The following XXYLT1 variants were observed in gnomAD, a reference collection of about 807,000 sequenced individuals.
XXYLT1 encodes UDP-xylose:alpha-xyloside alpha-1,3-xylosyltransferase.
XXYLT1 carries 20 observed loss-of-function variants against 28.9 expected under a neutral mutation model. The ratio of observed to expected loss-of-function variants is 0.69; its 90% CI spans 0.49 to 1.00. The LOEUF is 1.00. Ranked by LOEUF, XXYLT1 falls within the 50% of genes least tolerant of loss-of-function variation. The pLI, the probability that XXYLT1 is intolerant of heterozygous loss-of-function variation, is 0.00. For synonymous variants in XXYLT1, 257 were observed against 253.8 expected (o/e 1.01, Z -0.12); for missense variants, 542 against 560.1 (o/e 0.97, Z 0.33).
rs201594607 is a variant in XXYLT1 at position 195,270,549 on chromosome 3, G to A, written c.504+6C>T. On this transcript the variant is annotated splice_donor_region_variant and intron_variant, in intron 1 of 3. Transcript: ENST00000310380. ...CACCGGGAGCCCCCAGCCGCGGCCC[G>A]CTCACCTTGCACTTGAAGCCAGCGG... 4.9e-4 allele frequency: 684 copies of A among 1,383,466 alleles called. 5 individuals carry two copies. The African/African-American group carries it at 9.4e-3, about 19-fold the overall frequency. The allele number at this position is 1,383,466 out of a possible 1,614,324, so 85.7% of individuals were successfully genotyped here.
intron 3 of XXYLT1, among the ~76,000 whole-genome samples, chr3:195,074,948 G>A (rs1715030961): frequency 6.6e-6 from 1 of 152,208 alleles, no homozygotes; most frequent in South Asian, 2.1e-4. Flanking sequence ...CTACTGGACA[G>A]AGAAGGTAAG....
intron 2 of XXYLT1, among the ~76,000 whole-genome samples, chr3:195,185,406 C>A (rs1184632796): frequency 6.6e-6 from 1 of 151,650 alleles, no homozygotes; most frequent in Admixed American, 6.6e-5. Flanking sequence ...TTCTCCAGAA[C>A]CATGAGGACA....
chr3:195,099,113 AG>A (rs1174283279), intron 3 of XXYLT1, among the ~76,000 whole-genome samples: 4 of 152,174 alleles, frequency 2.6e-5, no homozygotes, highest in African/African-American at 9.7e-5. Flanking sequence ...AGGGGAACCG[AG>A]GACATGGCAG....
chr3:195,164,156 A>T (rs145155138), intron 2 of XXYLT1, among the ~76,000 whole-genome samples: 1 of 152,390 alleles, frequency 6.6e-6, no homozygotes, highest in East Asian at 1.9e-4. Context: ...AGAAGGCAAG[A>T]AGTAACTACA....
chr3:195,268,329 G>C (rs1295715807), intron 1 of XXYLT1, among the ~76,000 whole-genome samples: 2 of 151,998 alleles, frequency 1.3e-5, no homozygotes, highest in African/African-American at 4.8e-5. Flanking sequence ...TACTCAGGAG[G>C]CTGGGCCAGG....
In XXYLT1 at chr3:195,103,213, G is replaced by T. The variant is rs530339538; in HGVS notation, c.786-33102C>A. Among the ~76,000 whole-genome samples, 3 of 152,352 alleles carry T rather than the reference G, an allele frequency of 2.0e-5. No homozygotes were observed. The East Asian group carries it at 5.8e-4, about 29-fold the overall frequency. ...CTGATTTGCTCCAGATAACAGACTG[G>T]AATTCCAGGCCATGAGGCTGGGCCT... is the stretch of plus-strand genomic sequence containing the variant. On this transcript the variant is annotated intron_variant, in intron 3 of 3. Transcript: ENST00000310380.
rs1184026087 is a variant in XXYLT1, at chr3:195,150,643, C to G, written c.785+5806G>C. Among the ~76,000 whole-genome samples, 4 of 152,192 alleles carry G rather than the reference C, an allele frequency of 2.6e-5. No individual in the cohort carries two copies. The highest frequency in any genetic ancestry group is 5.9e-5 in the Non-Finnish European group (4 of 68,034). ...GGTGGGCCGGGGCTCACACAGCACA[C>G]GGCTGCCCGCAGAGCCTGGGGAGAA... On this transcript the variant is annotated intron_variant, in intron 3 of 3. Transcript: ENST00000310380. The surrounding 1 kb of genome is among the most constrained non-coding windows in gnomAD (Gnocchi z 4.7).
intron 3 of XXYLT1, among the ~76,000 whole-genome samples, chr3:195,071,373 T>C (rs555000984): frequency 6.6e-6 from 1 of 152,208 alleles, no homozygotes; most frequent in Admixed American, 6.5e-5. Flanking sequence ...CCGGAGACCC[T>C]GCCCAGGGTG....
intron 1 of XXYLT1, among the ~76,000 whole-genome samples, chr3:195,236,779 T>C (rs1724565777): frequency 1.3e-5 from 2 of 151,934 alleles, no homozygotes; most frequent in South Asian, 4.2e-4. Flanking sequence ...CTGCTGATTA[T>C]TCAGGGTCCA....
At position 195,076,386 on chromosome 3, in the gene XXYLT1, C is replaced by T. The variant is rs141091695; in HGVS notation, c.786-6275G>A. Among the ~76,000 whole-genome samples the T allele has an allele frequency of 2.8e-3, 423 of 151,576 alleles. 2 individuals are homozygous for T. The highest frequency in any genetic ancestry group is 8.6e-3 in the African/African-American group (354 of 41,394). ...ACTCGACCGCGCGTGTTCCCGGAGT[C>T]TGAGTCGTTTTGAATTATGTCACGC... On this transcript the variant is annotated intron_variant, in intron 3 of 3. Transcript: ENST00000310380. This position sits in a 1 kb window ranked among gnomAD's most constrained non-coding sequence, Gnocchi z 5.3.
At chr3:195,142,903 T>C (rs527530099) in intron 3 of XXYLT1, among the ~76,000 whole-genome samples, 7 of 152,342 alleles carry the variant, frequency 4.6e-5, no homozygotes, top group Non-Finnish European at 1.0e-4. Flanking sequence ...CATTCCTCCC[T>C]GGCCAGGCCT....
At chr3:195,260,342 C>T (rs1397406675) in intron 1 of XXYLT1, among the ~76,000 whole-genome samples, 1 of 152,090 alleles carries the variant, frequency 6.6e-6, no homozygotes, top group Non-Finnish European at 1.5e-5. Context: ...AGACGGGGGG[C>T]CCCGTGCTGA....
chr3:195,219,081 A>T (rs1003566426), intron 2 of XXYLT1, among the ~76,000 whole-genome samples: 3 of 151,040 alleles, frequency 2.0e-5, no homozygotes, highest in African/African-American at 7.3e-5. Flanking sequence ...AACCAAACAC[A>T]GCATATTCTC....
intron 3 of XXYLT1, among the ~76,000 whole-genome samples, chr3:195,102,176 G>A (rs12635098): frequency 0.047 from 7,101 of 152,202 alleles, 209 homozygotes; most frequent in Middle Eastern, 0.13. Flanking sequence ...TGAATTCTAT[G>A]TAAGATATAC....
intron 2 of XXYLT1, among the ~76,000 whole-genome samples, chr3:195,182,320 A>ACTG (rs758971974): frequency 1.3e-5 from 2 of 152,192 alleles, no homozygotes; most frequent in Admixed American, 6.5e-5. Flanking sequence ...GTCAACTGTC[A>ACTG]CTGCTGCTGC....
intron 2 of XXYLT1, among the ~76,000 whole-genome samples, chr3:195,226,268 C>T (rs1465910020): frequency 1.3e-5 from 2 of 152,162 alleles, no homozygotes. Flanking sequence ...TCTACATGGT[C>T]GTAATTTGCA....
At chr3:195,072,115 G>C (rs1483778957) in intron 3 of XXYLT1, among the ~76,000 whole-genome samples, 1 of 152,134 alleles carries the variant, frequency 6.6e-6, no homozygotes, top group Admixed American at 6.5e-5. Flanking sequence ...AGCACAGCAG[G>C]GCCACAGGAA....
At chr3:195,263,800 G>A (rs112434607) in intron 1 of XXYLT1, among the ~76,000 whole-genome samples, 21 of 152,262 alleles carry the variant, frequency 1.4e-4, no homozygotes, top group African/African-American at 4.8e-4. Flanking sequence ...GGGAAAAGGG[G>A]CAGATCACTG....
intron 1 of XXYLT1, among the ~76,000 whole-genome samples, chr3:195,253,055 T>C (rs933336188): frequency 6.6e-6 from 1 of 152,182 alleles, no homozygotes; most frequent in African/African-American, 2.4e-5. Context: ...AGCTTTCCAC[T>C]ACCTGGAGAA....
Sources: gnomAD v4.1 joint callset for allele counts (sites outside exome capture counted in the v4.1 genomes callset) on GRCh38, gnomAD v4.1.1 for gene constraint, Gnocchi (gnomAD v3.1) non-coding constraint, MANE v1.5 for transcripts, NCBI Gene and HGNC (gene_info 2026-07-23, HGNC 2026-07-21) for gene names.